Variants in STK39 observed in about 807,000 individuals in gnomAD.
STK39 encodes the protein STE20/SPS1-related proline-alanine-rich protein kinase.
Under a neutral mutation model 77.8 loss-of-function variants are expected in STK39, and 20 were observed. That is an observed-to-expected ratio of 0.26 (90% CI 0.18 to 0.37). The LOEUF is 0.37. Among genes scored for constraint, STK39 ranks in the 10% least tolerant of loss-of-function variants. The pLI, the probability that STK39 is intolerant of heterozygous loss-of-function variation, is 1.00. For synonymous variants in STK39, 246 were observed against 234.1 expected (o/e 1.05, Z -0.47); for missense variants, 479 against 656.5 (o/e 0.73, Z 2.95).
chr2:168,129,205 G>A (rs1317560801), intron 10 of STK39, among the ~76,000 whole-genome samples: 1 of 152,146 alleles, frequency 6.6e-6, no homozygotes, highest in Non-Finnish European at 1.5e-5. Context: ...AAGTGAGCAT[G>A]CCTCTTCTGT....
At chr2:168,153,792 G>C (rs1402405910) in intron 5 of STK39, among the ~76,000 whole-genome samples, 1 of 152,178 alleles carries the variant, frequency 6.6e-6, no homozygotes, top group Non-Finnish European at 1.5e-5. Flanking sequence ...AGGCCGATTT[G>C]ACTGAAGAGG....
intron 2 of STK39, among the ~76,000 whole-genome samples, chr2:168,174,160 C>G (rs922582814): frequency 6.6e-6 from 1 of 152,120 alleles, no homozygotes; most frequent in African/African-American, 2.4e-5. Context: ...AAAAGGAAAG[C>G]ATAAATTTTG....
chr2:168,048,966 G>A (rs1685322794), intron 14 of STK39, among the ~76,000 whole-genome samples: 1 of 152,236 alleles, frequency 6.6e-6, no homozygotes, highest in Non-Finnish European at 1.5e-5. Context: ...AATGCCTAAT[G>A]CCTAATGCTA....
rs2105531372 is a variant in STK39 at position 168,140,694 on chromosome 2, T to C, written c.693A>G (p.Thr231=). 1 of 1,612,340 alleles carries C rather than the reference T, an allele frequency of 6.2e-7. No individual in the cohort carries two copies. ...GDVTRNKVRK[T]FVGTPCWMAP... ...CCATCCAACATGGGGTGCCAACGAA[T>C]GTTTTTCTTACTTTATTTCGGGTAA... Residue 231 remains threonine (T), a synonymous_variant, in exon 6 of 18, where the codon ACA becomes ACG. Coordinates refer to ENST00000355999, the MANE Select transcript of STK39 (RefSeq NM_013233.3).
chr2:168,138,274 T>A (rs1687889589), intron 7 of STK39, 53 bp from the exon 8 acceptor site: 1 of 1,558,628 alleles, frequency 6.4e-7, no homozygotes, highest in African/African-American at 1.4e-5. Context: ...ATTGCTACAA[T>A]CTAGTTTTGA....
intron 1 of STK39, among the ~76,000 whole-genome samples, chr2:168,235,681 A>C (rs1411884884): frequency 1.5e-5 from 2 of 132,896 alleles, no homozygotes; most frequent in African/African-American, 5.8e-5. Context: ...TTCAATTCCC[A>C]CCTATGAGTG....
intron 5 of STK39, among the ~76,000 whole-genome samples, chr2:168,148,489 C>T (rs942992644): frequency 6.6e-6 from 1 of 152,142 alleles, no homozygotes; most frequent in African/African-American, 2.4e-5. Context: ...CTTCTGGGCA[C>T]CTGCGCTGTG....
intron 14 of STK39, among the ~76,000 whole-genome samples, chr2:168,038,540 C>A (rs534585962): frequency 2.0e-5 from 3 of 150,774 alleles, no homozygotes; most frequent in African/African-American, 4.9e-5. Flanking sequence ...AAATAGTATA[C>A]AAGAAAATAC....
chr2:168,103,335 T>C (rs896930601), intron 10 of STK39, among the ~76,000 whole-genome samples: 5 of 152,220 alleles, frequency 3.3e-5, no homozygotes, highest in African/African-American at 1.2e-4. Flanking sequence ...ATCTCGAATC[T>C]TTTCTGAAAT....
rs540157393 is a variant in STK39, at chr2:167,967,423, T to A, written c.1499-2697A>T. On this transcript the variant is annotated intron_variant, in intron 16 of 17. Transcript: ENST00000355999. ...CCCACCCGCCTGTCCCTACAGGGTA[T>A]CTTTATGTGAACAGTTAATTTTTTT... is the stretch of plus-strand genomic sequence containing the variant. 3.9e-5 allele frequency among the ~76,000 whole-genome samples: 6 copies of A among 152,318 alleles called. No individual in the cohort carries two copies. In the East Asian group the frequency reaches 1.2e-3, roughly 29 times the overall value.
chr2:168,223,204 C>G (rs957245741), intron 1 of STK39, among the ~76,000 whole-genome samples: 10 of 152,090 alleles, frequency 6.6e-5, no homozygotes, highest in African/African-American at 2.2e-4. Context: ...AAATAGGGAC[C>G]TTTCTTCTAG....
At chr2:167,987,551 T>C (rs1485277641) in intron 16 of STK39, among the ~76,000 whole-genome samples, 2 of 152,204 alleles carry the variant, frequency 1.3e-5, no homozygotes, top group Non-Finnish European at 2.9e-5. Flanking sequence ...TCCAATCATT[T>C]AATAAGACAG....
At chr2:168,179,652 A>G (rs536355008) in intron 2 of STK39, among the ~76,000 whole-genome samples, 7 of 152,308 alleles carry the variant, frequency 4.6e-5, no homozygotes, top group African/African-American at 1.4e-4. Context: ...AAATCCTAAG[A>G]CCTCAGACGA....
At chr2:168,194,932 G>A (rs1689430989) in intron 1 of STK39, among the ~76,000 whole-genome samples, 1 of 152,174 alleles carries the variant, frequency 6.6e-6, no homozygotes, top group Non-Finnish European at 1.5e-5. Flanking sequence ...GTCCCCAGAT[G>A]TATGACACAT....
At chr2:168,224,168 C>T (rs1456555539) in intron 1 of STK39, among the ~76,000 whole-genome samples, 2 of 150,982 alleles carry the variant, frequency 1.3e-5, no homozygotes, top group East Asian at 3.9e-4. Context: ...AAAATTAAAC[C>T]AAAATAGAAA....
intron 10 of STK39, among the ~76,000 whole-genome samples, chr2:168,120,786 T>C (rs1403330231): frequency 6.6e-5 from 10 of 152,236 alleles, no homozygotes; most frequent in African/African-American, 2.2e-4. Flanking sequence ...TACCACTTCA[T>C]GAGTGAGAAG....
chr2:168,247,197 G>T, intron 1 of STK39, 31 bp downstream of exon 1: 2 of 1,181,368 alleles, frequency 1.7e-6, no homozygotes, highest in Non-Finnish European at 1.0e-6. Context: ...CGCCCGGCCT[G>T]TGCCGGCCCC....
At chr2:168,139,408 T>TTATATATATATATA (rs71003023) in intron 7 of STK39, among the ~76,000 whole-genome samples, 119 of 144,526 alleles carry the variant, frequency 8.2e-4, no homozygotes, top group East Asian at 2.5e-3. Context: ...TAAAAAAAAT[T>TTATATATATATATA]TATATATATA....
intron 10 of STK39, among the ~76,000 whole-genome samples, chr2:168,126,377 T>C (rs1429113921): frequency 6.6e-6 from 1 of 152,198 alleles, no homozygotes; most frequent in Non-Finnish European, 1.5e-5. Flanking sequence ...AACCAATTCT[T>C]AAACAGAAGT....
Sources: gnomAD v4.1 joint callset for allele counts (sites outside exome capture counted in the v4.1 genomes callset) on GRCh38, gnomAD v4.1.1 for gene constraint, MANE v1.5 for transcripts, NCBI Gene and HGNC (gene_info 2026-07-23, HGNC 2026-07-21) for gene names.